Variants in PRKCH observed in about 807,000 individuals in gnomAD.
The protein encoded by PRKCH is protein kinase C eta type.
PRKCH carries 28 observed loss-of-function variants against 82.5 expected under a neutral mutation model. The ratio of observed to expected loss-of-function variants is 0.34; its 90% CI spans 0.25 to 0.47. The LOEUF (loss-of-function observed/expected upper bound fraction) is 0.47, where lower values mean the gene tolerates loss of function less well. Ranked by LOEUF, PRKCH falls within the 20% of genes least tolerant of loss-of-function variation. PRKCH has a pLI of 1.00. For missense variants in PRKCH, 705 were observed against 881.8 expected (o/e 0.80, Z 2.54); for synonymous variants, 322 against 327.4 (o/e 0.98, Z 0.18).
At chr14:61,207,965 T>C (rs935594790) in intron 1 of PRKCH, among the ~76,000 whole-genome samples, 12 of 152,220 alleles carry the variant, frequency 7.9e-5, no homozygotes, top group African/African-American at 2.9e-4. Flanking sequence ...ATTAGTCCGG[T>C]AAAGAACAAG....
chr14:61,510,585 A>G (rs975482177), intron 10 of PRKCH, among the ~76,000 whole-genome samples: 4 of 152,118 alleles, frequency 2.6e-5, no homozygotes, highest in African/African-American at 7.2e-5. Context: ...TTGTGTTTAA[A>G]GAAACACTTC....
rs547816146 is a variant in PRKCH, at chr14:61,212,924, A to G, written c.-19+25256A>G. 2.4e-4 allele frequency among the ~76,000 whole-genome samples: 37 copies of G among 152,274 alleles called. No individual in the cohort carries two copies. In the South Asian group the frequency reaches 7.1e-3, roughly 29 times the overall value. On this transcript the variant is annotated intron_variant, in intron 1 of 3. Coordinates refer to the PRKCH transcript ENST00000555185. ...CTCAGAGAATCACCCTCATGCACAC[A>G]TTTCCTGGGCCATAAAATATCCTTA...
At chr14:61,410,170 ATC>A (rs1216469758) in intron 2 of PRKCH, among the ~76,000 whole-genome samples, 1 of 152,140 alleles carries the variant, frequency 6.6e-6, no homozygotes, top group East Asian at 1.9e-4. Flanking sequence ...ACCAGATGGC[ATC>A]TCTTGAGTCT....
intron 1 of PRKCH, among the ~76,000 whole-genome samples, chr14:61,366,063 T>C (rs891588248): frequency 6.6e-6 from 1 of 152,048 alleles, no homozygotes; most frequent in African/African-American, 2.4e-5. Context: ...CCAATCTGTA[T>C]AACATAATGA....
At chr14:61,269,425 C>T (rs1283355931) in intron 1 of PRKCH, among the ~76,000 whole-genome samples, 1 of 152,074 alleles carries the variant, frequency 6.6e-6, no homozygotes, top group Admixed American at 6.6e-5. Flanking sequence ...GGTAAACTCA[C>T]GTTATGGGGT....
intron 1 of PRKCH, among the ~76,000 whole-genome samples, chr14:61,297,649 C>T (rs554132494): frequency 1.3e-5 from 2 of 152,262 alleles, no homozygotes; most frequent in South Asian, 2.1e-4. Context: ...CCCTTAAATC[C>T]GCTGTTCAGG....
chr14:61,534,540 C>T lies in PRKCH; in HGVS notation c.1761+3945C>T, dbSNP rs560360497. ...GTTGAATCCATTGGATGGTGTTTTG[C>T]ATAGTTCTAAAAACAGTAGGGAAAT... is the stretch of plus-strand genomic sequence containing the variant. On this transcript the variant is annotated intron_variant, in intron 12 of 13. Transcript: ENST00000332981. Among the ~76,000 whole-genome samples the T allele has an allele frequency of 2.6e-5, 4 of 152,282 alleles. No individual in the cohort carries two copies. The South Asian group carries it at 8.3e-4, about 32-fold the overall frequency.
intron 1 of PRKCH, among the ~76,000 whole-genome samples, chr14:61,335,811 G>A (rs780998658): frequency 7.9e-5 from 12 of 152,200 alleles, no homozygotes; most frequent in Non-Finnish European, 1.5e-4. Context: ...TAAGTCACAT[G>A]AATTAGGATG....
At chr14:61,375,589 T>C (rs1000164820) in intron 1 of PRKCH, among the ~76,000 whole-genome samples, 8 of 151,930 alleles carry the variant, frequency 5.3e-5, no homozygotes, top group Non-Finnish European at 1.2e-4. Flanking sequence ...GCACGTCTTA[T>C]CATGGCAGAG....
intron 2 of PRKCH, among the ~76,000 whole-genome samples, chr14:61,411,910 A>G (rs1882287746): frequency 6.6e-6 from 1 of 152,234 alleles, no homozygotes; most frequent in African/African-American, 2.4e-5. Flanking sequence ...TCTGCCACCA[A>G]CCAGACTGGA....
At chr14:61,246,816 G>C (rs939834904) in intron 1 of PRKCH, among the ~76,000 whole-genome samples, 1 of 152,070 alleles carries the variant, frequency 6.6e-6, no homozygotes, top group Non-Finnish European at 1.5e-5. Flanking sequence ...CTAAACTCCT[G>C]GGCTCAAGCA....
intron 1 of PRKCH, among the ~76,000 whole-genome samples, chr14:61,197,364 A>G (rs2044448379): frequency 6.6e-6 from 1 of 152,008 alleles, no homozygotes; most frequent in Admixed American, 6.6e-5. Context: ...CTTTTTTCTT[A>G]TGTCCCATAG....
At chr14:61,530,370 G>C in intron 11 of PRKCH, 37 bp from the exon 12 acceptor site, 2 of 1,468,360 alleles carry the variant, frequency 1.4e-6, no homozygotes, top group Non-Finnish European at 1.8e-6. Flanking sequence ...TTAATCTGAT[G>C]TATGAACCAC....
chr14:61,435,160 C>T (rs1409270545), intron 2 of PRKCH, among the ~76,000 whole-genome samples: 1 of 152,200 alleles, frequency 6.6e-6, no homozygotes, highest in Admixed American at 6.5e-5. Flanking sequence ...GTTGCCCACC[C>T]TGGAAACCTG....
At chr14:61,547,256 C>T (rs937177765) in intron 12 of PRKCH, among the ~76,000 whole-genome samples, 1 of 152,094 alleles carries the variant, frequency 6.6e-6, no homozygotes, top group African/African-American at 2.4e-5. Flanking sequence ...CTTCTTCACA[C>T]AGATCTTCAA....
chr14:61,531,984 A>T (rs1229433401), intron 12 of PRKCH, among the ~76,000 whole-genome samples: 1 of 152,222 alleles, frequency 6.6e-6, no homozygotes, highest in Non-Finnish European at 1.5e-5. Flanking sequence ...CAATTTTGAT[A>T]ACATAAACCA....
chr14:61,449,535 G>C (rs996590544), intron 5 of PRKCH, among the ~76,000 whole-genome samples: 1 of 152,104 alleles, frequency 6.6e-6, no homozygotes, highest in African/African-American at 2.4e-5. Context: ...GTGGTTGGCT[G>C]GGTATAAGCT....
At chr14:61,226,281 C>G (rs1381152039) in intron 1 of PRKCH, among the ~76,000 whole-genome samples, 2 of 152,212 alleles carry the variant, frequency 1.3e-5, no homozygotes, top group Admixed American at 1.3e-4. Context: ...GCACTACCTT[C>G]ATGACTCATT....
At chr14:61,377,355 A>G (rs2046440106) in intron 1 of PRKCH, among the ~76,000 whole-genome samples, 1 of 152,236 alleles carries the variant, frequency 6.6e-6, no homozygotes, top group African/African-American at 2.4e-5. Context: ...AAATTCCCAA[A>G]TGATAACCCC....
Sources: gnomAD v4.1 joint callset for allele counts (sites outside exome capture counted in the v4.1 genomes callset) on GRCh38, gnomAD v4.1.1 for gene constraint, MANE v1.5 for transcripts, NCBI Gene and HGNC (gene_info 2026-07-23, HGNC 2026-07-21) for gene names.